The following MYO7A variants were observed in gnomAD, a reference collection of about 807,000 sequenced individuals.
The protein encoded by MYO7A is unconventional myosin-VIIa.
In MYO7A, 210 loss-of-function variants were observed where a neutral mutation model predicts 263.8. That is an observed-to-expected ratio of 0.80 (90% CI 0.71 to 0.89). MYO7A has a LOEUF of 0.89. Ranked by LOEUF, MYO7A falls within the 40% of genes least tolerant of loss-of-function variation. The probability of loss-of-function intolerance (pLI) is 0.00; values close to 1 mark genes in which losing one functional copy is unlikely to be tolerated. For missense variants in MYO7A, 2,820 were observed against 2,968.3 expected (o/e 0.95, Z 1.16); for synonymous variants, 1,239 against 1,197.3 (o/e 1.03, Z -0.72).
chr11:77,155,101 G>T (rs1430997462), intron 4 of MYO7A, among the ~76,000 whole-genome samples: 1 of 152,170 alleles, frequency 6.6e-6, no homozygotes, highest in African/African-American at 2.4e-5. Context: ...TTTGAGACGT[G>T]GGGTGGGAGG....
intron 4 of MYO7A, among the ~76,000 whole-genome samples, chr11:77,154,944 C>G (rs980008627): frequency 2.5e-4 from 38 of 152,256 alleles, no homozygotes; most frequent in African/African-American, 8.7e-4. Context: ...GGCATAGCTG[C>G]GGCTCTGCTG....
Position 77,179,640 on chromosome 11 carries a change from CTG to C in MYO7A, c.2368-94_2368-93del, listed in dbSNP as rs1954996217. The C allele has an allele frequency of 1.6e-5, 19 of 1,169,254 alleles. No homozygotes were observed. The South Asian group carries it at 2.8e-4, about 17-fold the overall frequency. The allele number at this position is 1,169,254 out of a possible 1,614,324, so 72.4% of individuals were successfully genotyped here. A position where few individuals can be genotyped will look rare whatever the true frequency, so the allele number is the denominator to read the frequency against. ...GGCCACGCCTTCTGGGGGTGCCTGT[CTG>C]AGAGTGGAGGCCGGTGCCATGGAAG... is the stretch of plus-strand genomic sequence containing the variant. On this transcript the variant is annotated intron_variant, in intron 20 of 48. Coordinates refer to ENST00000409709, the MANE Select transcript of MYO7A (RefSeq NM_000260.4).
At chr11:77,186,327 T>A (rs73495771) in intron 27 of MYO7A, among the ~76,000 whole-genome samples, 3,002 of 152,334 alleles carry the variant, frequency 0.02, 100 homozygotes, top group African/African-American at 0.068. Context: ...AGTCAGCCTG[T>A]CTTTTGAAGC....
At chr11:77,168,083 G>A (rs544742936) in intron 15 of MYO7A, among the ~76,000 whole-genome samples, 2 of 152,174 alleles carry the variant, frequency 1.3e-5, no homozygotes, top group Non-Finnish European at 2.9e-5. Context: ...TAGCCCTGCT[G>A]GCCCCTCGCT....
At chr11:77,189,494 G>C (rs1955877350) in intron 28 of MYO7A, 24 bp downstream of exon 28, 1 of 1,613,386 alleles carries the variant, frequency 6.2e-7, no homozygotes, top group Non-Finnish European at 8.5e-7. Flanking sequence ...TGGCCTCCTG[G>C]AGTGGGAAGG....
chr11:77,165,335 T>C (rs1953431414), intron 14 of MYO7A, among the ~76,000 whole-genome samples: 1 of 151,906 alleles, frequency 6.6e-6, no homozygotes, highest in South Asian at 2.1e-4. Context: ...TACAACCCCC[T>C]CCCCATTAAC....
chr11:77,160,457 C>T (rs1952890538), intron 11 of MYO7A, among the ~76,000 whole-genome samples, 175 bp downstream of exon 11: 1 of 152,164 alleles, frequency 6.6e-6, no homozygotes, highest in African/African-American at 2.4e-5. Flanking sequence ...TCCTCTGGGG[C>T]CTTCCCAGCT....
chr11:77,172,904 G>T lies in MYO7A; in HGVS notation c.1935+19G>T, dbSNP rs1954256988. On this transcript the variant is annotated intron_variant, in intron 16 of 48. Coordinates refer to ENST00000409709, the MANE Select transcript of MYO7A (RefSeq NM_000260.4). ...GCCCATGGTGAGTGGCCCTGGCCTG[G>T]GGTTGGCGGGTGGCGGCTAGGGTGA... 4 of 1,540,128 alleles carry T rather than the reference G, an allele frequency of 2.6e-6. No homozygotes were observed. In the African/African-American group the frequency reaches 5.5e-5, roughly 21 times the overall value.
intron 15 of MYO7A, among the ~76,000 whole-genome samples, chr11:77,172,154 T>G (rs1954157529): frequency 6.6e-6 from 1 of 152,162 alleles, no homozygotes; most frequent in South Asian, 2.1e-4. Context: ...GGCACCACCT[T>G]TCTAGGTTGC....
At chr11:77,206,762 A>T (rs1398897350) in intron 41 of MYO7A, among the ~76,000 whole-genome samples, 2 of 152,140 alleles carry the variant, frequency 1.3e-5, no homozygotes, top group African/African-American at 2.4e-5. Context: ...TTTTCATTTG[A>T]AGAGTCATTT....
chr11:77,179,676 G>A, intron 20 of MYO7A, 59 bp from the exon 21 acceptor site: 1 of 1,442,904 alleles, frequency 6.9e-7, no homozygotes, highest in East Asian at 2.5e-5. Context: ...AGCTCCTGCA[G>A]GCAGGGTCAG....
At chr11:77,180,562 C>A (rs1955091619) in intron 22 of MYO7A, 81 bp downstream of exon 22, 3 of 1,230,804 alleles carry the variant, frequency 2.4e-6, no homozygotes, top group South Asian at 2.7e-5. Flanking sequence ...CATCTGTCAC[C>A]CGGTGCTGCA....
At chr11:77,173,690 C>T (rs1192479381) in intron 16 of MYO7A, among the ~76,000 whole-genome samples, 2 of 152,088 alleles carry the variant, frequency 1.3e-5, no homozygotes, top group African/African-American at 2.4e-5. Context: ...GAAGGAAGGC[C>T]GGGGAAAGTG....
intron 11 of MYO7A, 53 bp from the exon 12 acceptor site, chr11:77,160,920 T>A: frequency 6.4e-7 from 1 of 1,567,304 alleles, no homozygotes. Flanking sequence ...GAGCCTGGCC[T>A]GTCCCCCGGG....
chr11:77,200,527 T>C (rs545794781), intron 35 of MYO7A, among the ~76,000 whole-genome samples: 1 of 152,216 alleles, frequency 6.6e-6, no homozygotes, highest in African/African-American at 2.4e-5. Context: ...CCCAAACACC[T>C]CACACTAGGC....
Position 77,158,371 on chromosome 11 carries a change from A to C in MYO7A, c.944A>C (p.Asn315Thr). 4.3e-6 allele frequency: 7 copies of C among 1,613,318 alleles called. No individual in the cohort carries two copies. Among genetic ancestry groups the C allele is most frequent in the Non-Finnish European group, 5.9e-6 (7 of 1,179,788 alleles). The change falls in exon 9 of 49, where the codon AAC becomes ACC. Residue 315 changes from asparagine (N) to threonine (T), a missense_variant. Physicochemically the swap from Asn to Thr is moderately conservative, Grantham distance 65. Transcript: ENST00000409709. ...GTGCTCATGTTCACTGACACCGAGA[A>C]CTGGGAGATCTCGAAGCTCCTGGCT... is the stretch of plus-strand genomic sequence containing the variant. ...MKVLMFTDTE[N>T]WEISKLLAAI...
intron 40 of MYO7A, among the ~76,000 whole-genome samples, chr11:77,205,872 A>G (rs1285238200): frequency 6.6e-6 from 1 of 151,480 alleles, no homozygotes; most frequent in Non-Finnish European, 1.5e-5. Flanking sequence ...CCCACTTCAT[A>G]CTCTCCGAGG....
chr11:77,128,994 C>G (rs1255841945), intron 1 of MYO7A, among the ~76,000 whole-genome samples: 1 of 152,146 alleles, frequency 6.6e-6, no homozygotes, highest in Non-Finnish European at 1.5e-5. Flanking sequence ...CAGTCTATGC[C>G]CCCTGTTGTC....
At chr11:77,191,573 G>C (rs1353913840) in intron 30 of MYO7A, among the ~76,000 whole-genome samples, 1 of 152,186 alleles carries the variant, frequency 6.6e-6, no homozygotes, top group Admixed American at 6.5e-5. Flanking sequence ...CACTTGCCCT[G>C]AAGCAGCTGG....
Sources: allele counts gnomAD v4.1 joint callset (sites outside exome capture counted in the v4.1 genomes callset), GRCh38; gene constraint gnomAD v4.1.1; transcripts MANE v1.5; gene names NCBI Gene and HGNC (gene_info 2026-07-23, HGNC 2026-07-21).